PDE8B: variants seen among roughly 807,000 people sequenced by gnomAD.
PDE8B encodes phosphodiesterase 8B.
In PDE8B, 26 loss-of-function variants were observed where a neutral mutation model predicts 101.3. The observed-to-expected ratio is 0.26, with a 90% CI of 0.19 to 0.36. The LOEUF is 0.36. Ranked by LOEUF, PDE8B falls within the 10% of genes least tolerant of loss-of-function variation. The pLI, the probability that PDE8B is intolerant of heterozygous loss-of-function variation, is 1.00. For synonymous variants in PDE8B, 424 were observed against 429.3 expected (o/e 0.99, Z 0.15); for missense variants, 810 against 1,163.1 (o/e 0.70, Z 4.42).
the PDE8B span, among the ~76,000 whole-genome samples, chr5:77,195,260 G>A: frequency 6.6e-6 from 1 of 152,110 alleles, no homozygotes; most frequent in Admixed American, 6.5e-5. Context: ...GCCTCAAGTC[G>A]TTTATATAAT....
intron 17 of PDE8B, among the ~76,000 whole-genome samples, chr5:77,415,261 A>C (rs957777171): frequency 1.3e-5 from 2 of 151,126 alleles, no homozygotes; most frequent in Admixed American, 6.6e-5. Flanking sequence ...CTTCTACCAG[A>C]TCTGCTGGCA....
At chr5:77,271,875 A>G (rs1762880253) in intron 1 of PDE8B, among the ~76,000 whole-genome samples, 2 of 152,312 alleles carry the variant, frequency 1.3e-5, no homozygotes, top group East Asian at 1.9e-4. Flanking sequence ...CAGGTGGTAC[A>G]TGTTGGGGAG....
intron 1 of PDE8B, among the ~76,000 whole-genome samples, chr5:77,282,467 G>A (rs1356305400): frequency 6.6e-6 from 1 of 152,124 alleles, no homozygotes; most frequent in African/African-American, 2.4e-5. Flanking sequence ...GTTTGGATTT[G>A]TTTGCTGATC....
Position 77,221,868 on chromosome 5 carries a change from G to T in PDE8B, c.339+10604G>T, listed in dbSNP as rs140046204. 9.8e-5 allele frequency among the ~76,000 whole-genome samples: 15 copies of T among 152,306 alleles called. No individual in the cohort carries two copies. In the East Asian group the frequency reaches 2.7e-3, roughly 27 times the overall value. On this transcript the variant is annotated intron_variant, in intron 1 of 21. Transcript: ENST00000264917. ...AAGTTGGTGAGGCACTTTTCTTGAA[G>T]AAACAGTTCTAGCTAAGTTGAGTGT...
At chr5:77,337,390 T>C (rs1778394531) in intron 6 of PDE8B, 75 bp downstream of exon 6, 5 of 806,186 alleles carry the variant, frequency 6.2e-6, no homozygotes, top group South Asian at 5.7e-5. Context: ...AGGCTGATGT[T>C]CAGGGGTTCA....
the PDE8B span, among the ~76,000 whole-genome samples, chr5:77,171,121 AG>A: frequency 6.6e-6 from 1 of 152,234 alleles, no homozygotes; most frequent in African/African-American, 2.4e-5. Flanking sequence ...AATTGGAGAA[AG>A]CTTGATCATT....
the PDE8B span, chr5:77,114,776 G>T: frequency 6.6e-6 from 1 of 152,162 alleles, no homozygotes; most frequent in Non-Finnish European, 1.5e-5. Context: ...ATATTTTGAT[G>T]ACAACAATAA....
chr5:77,248,465 A>G (rs1757414337), intron 1 of PDE8B, among the ~76,000 whole-genome samples: 1 of 151,646 alleles, frequency 6.6e-6, no homozygotes, highest in Non-Finnish European at 1.5e-5. Context: ...GTTGTTGTCT[A>G]ATGAGCTTCA....
chr5:77,294,143 A>G (rs1768002852), intron 1 of PDE8B, among the ~76,000 whole-genome samples: 1 of 152,248 alleles, frequency 6.6e-6, no homozygotes, highest in Non-Finnish European at 1.5e-5. Flanking sequence ...AGACAGGGCA[A>G]TAATGTAAAT....
intron 10 of PDE8B, among the ~76,000 whole-genome samples, chr5:77,396,848 C>G (rs1461859659): frequency 6.6e-6 from 1 of 151,888 alleles, no homozygotes; most frequent in African/African-American, 2.4e-5. Flanking sequence ...TTAACTACTA[C>G]TTTAACTCGT....
chr5:77,304,330 T>C (rs1770678916), intron 1 of PDE8B, among the ~76,000 whole-genome samples: 1 of 152,200 alleles, frequency 6.6e-6, no homozygotes, highest in Admixed American at 6.5e-5. Flanking sequence ...ATATTTCCTC[T>C]CCTGTAAATT....
chr5:77,260,570 T>TCACTGTGG (rs1760328835), intron 1 of PDE8B, among the ~76,000 whole-genome samples: 1 of 151,544 alleles, frequency 6.6e-6, no homozygotes, highest in African/African-American at 2.4e-5. Flanking sequence ...CTGATAATTT[T>TCACTGTGG]CACTGTGGCT....
At chr5:77,255,394 G>A (rs1758907003) in intron 1 of PDE8B, among the ~76,000 whole-genome samples, 1 of 152,200 alleles carries the variant, frequency 6.6e-6, no homozygotes. Context: ...TCTCAGAAGG[G>A]CCTCTCACCT....
the PDE8B span, among the ~76,000 whole-genome samples, chr5:77,109,927 G>GTTTTTTT: frequency 1.7e-3 from 113 of 67,258 alleles, 17 homozygotes; most frequent in African/African-American, 4.9e-3. Context: ...TTGTATTTCA[G>GTTTTTTT]TTTTTTTTTT....
At chr5:77,407,692 G>GA (rs903312599) in intron 13 of PDE8B, among the ~76,000 whole-genome samples, 3 of 152,214 alleles carry the variant, frequency 2.0e-5, no homozygotes, top group Non-Finnish European at 2.9e-5. Context: ...GGTTGGAAGA[G>GA]AGGGTGGTCA....
chr5:77,249,518 G>T (rs1757630190), intron 1 of PDE8B, among the ~76,000 whole-genome samples: 1 of 152,166 alleles, frequency 6.6e-6, no homozygotes, highest in Non-Finnish European at 1.5e-5. Context: ...TGGCAAAAAA[G>T]AGCTCAAAAT....
the PDE8B span, among the ~76,000 whole-genome samples, chr5:77,164,271 T>C: frequency 4.6e-5 from 7 of 152,190 alleles, no homozygotes; most frequent in Non-Finnish European, 8.8e-5. Context: ...AGCTTCTGAA[T>C]TGGGGGCTCC....
intron 2 of PDE8B, among the ~76,000 whole-genome samples, 196 bp downstream of exon 2, chr5:77,312,249 G>A (rs1772839111): frequency 6.6e-6 from 1 of 151,792 alleles, no homozygotes; most frequent in Non-Finnish European, 1.5e-5. Context: ...GATTACAGGT[G>A]TGCGCCACCA....
chr5:77,354,246 C>G (rs527816774), intron 10 of PDE8B, among the ~76,000 whole-genome samples: 1 of 152,258 alleles, frequency 6.6e-6, no homozygotes, highest in East Asian at 1.9e-4. Flanking sequence ...CGTGAGTAGA[C>G]AGTGGGGTGA....
Sources: allele counts gnomAD v4.1 joint callset (sites outside exome capture counted in the v4.1 genomes callset), GRCh38; gene constraint gnomAD v4.1.1; transcripts MANE v1.5; gene names NCBI Gene and HGNC (gene_info 2026-07-23, HGNC 2026-07-21).